The following ATOSA variants were observed in gnomAD, a reference collection of about 807,000 sequenced individuals.
ATOSA encodes the protein atos homolog A, also known as atos homolog protein A.
At chr15:52,678,384 A>C in the ATOSA span, 1 of 315,718 alleles carries the variant, frequency 3.2e-6, no homozygotes, top group East Asian at 5.6e-5. Context: ...TATAACCTGG[A>C]GGTACAGGCA....
the ATOSA span, among the ~76,000 whole-genome samples, chr15:52,702,954 C>T: frequency 6.6e-6 from 1 of 152,088 alleles, no homozygotes; most frequent in African/African-American, 2.4e-5. Context: ...GACTTGTACA[C>T]AAATTTTCAT....
At chr15:52,593,354 C>A in the ATOSA span, 1 of 459,372 alleles carries the variant, frequency 2.2e-6, no homozygotes. Context: ...TTTTTCAAGA[C>A]AAAGAGAAAT....
chr15:52,694,486 T>C, the ATOSA span, among the ~76,000 whole-genome samples: 2 of 152,068 alleles, frequency 1.3e-5, no homozygotes, highest in African/African-American at 4.8e-5. Flanking sequence ...TTTTAATATA[T>C]GATTGCTCAG....
chr15:52,651,062 C>A, the ATOSA span, among the ~76,000 whole-genome samples: 1 of 152,274 alleles, frequency 6.6e-6, no homozygotes, highest in Middle Eastern at 3.4e-3. Context: ...TCAATTATCA[C>A]ATATATTATA....
chr15:52,671,889 A>G, the ATOSA span, among the ~76,000 whole-genome samples: 1 of 151,730 alleles, frequency 6.6e-6, no homozygotes. Context: ...ATGGTAAACA[A>G]GGGGAAGAGA....
chr15:52,593,992 C>G, the ATOSA span, among the ~76,000 whole-genome samples: 1 of 152,192 alleles, frequency 6.6e-6, no homozygotes, highest in South Asian at 2.1e-4. Flanking sequence ...TCTCACTATT[C>G]CAACTCACAC....
At chr15:52,649,172 GA>G in the ATOSA span, among the ~76,000 whole-genome samples, 1 of 152,090 alleles carries the variant, frequency 6.6e-6, no homozygotes, top group East Asian at 1.9e-4. Context: ...GAAAATGCCT[GA>G]CAAAAAGTTG....
chr15:52,613,020 T>C, the ATOSA span, among the ~76,000 whole-genome samples: 2 of 150,924 alleles, frequency 1.3e-5, no homozygotes, highest in Non-Finnish European at 3.0e-5. Flanking sequence ...CATAACAACA[T>C]CAATTTACCA....
At chr15:52,646,411 T>C in the ATOSA span, among the ~76,000 whole-genome samples, 1 of 152,298 alleles carries the variant, frequency 6.6e-6, no homozygotes, top group East Asian at 1.9e-4. Flanking sequence ...GAGGTGTCAT[T>C]AGGTCTTCTC....
the ATOSA span, chr15:52,678,029 T>C: frequency 6.2e-7 from 1 of 1,614,032 alleles, no homozygotes; most frequent in Non-Finnish European, 8.5e-7. Context: ...CATTTTCACA[T>C]CCAATTTTCG....
chr15:52,700,554 A>G, the ATOSA span, among the ~76,000 whole-genome samples: 1 of 152,194 alleles, frequency 6.6e-6, no homozygotes, highest in Non-Finnish European at 1.5e-5. Flanking sequence ...AAAAAGCCTT[A>G]TTGTGACGAG....
chr15:52,597,827 A>T, the ATOSA span, among the ~76,000 whole-genome samples: 1 of 152,198 alleles, frequency 6.6e-6, no homozygotes, highest in Non-Finnish European at 1.5e-5. Context: ...GGCCACATGT[A>T]AAATATACTA....
At chr15:52,614,110 T>A in the ATOSA span, among the ~76,000 whole-genome samples, 1 of 151,720 alleles carries the variant, frequency 6.6e-6, no homozygotes, top group Non-Finnish European at 1.5e-5. Context: ...TAATAATAAT[T>A]ACTATTATTT....
the ATOSA span, among the ~76,000 whole-genome samples, chr15:52,669,212 C>T: frequency 7.9e-5 from 12 of 152,078 alleles, no homozygotes; most frequent in Admixed American, 3.9e-4. Flanking sequence ...TGAGCCACCG[C>T]GCCTGGCCTG....
the ATOSA span, among the ~76,000 whole-genome samples, chr15:52,692,871 A>C: frequency 2.6e-5 from 4 of 151,344 alleles, no homozygotes; most frequent in South Asian, 8.4e-4. Flanking sequence ...GGCTGGCCTC[A>C]AACTCCTGGC....
At chr15:52,662,998 T>C in the ATOSA span, among the ~76,000 whole-genome samples, 1 of 152,154 alleles carries the variant, frequency 6.6e-6, no homozygotes, top group African/African-American at 2.4e-5. Context: ...AAACTGATTT[T>C]AAGACTGTCT....
At chr15:52,674,039 A>G in the ATOSA span, among the ~76,000 whole-genome samples, 1 of 152,230 alleles carries the variant, frequency 6.6e-6, no homozygotes, top group Admixed American at 6.5e-5. Flanking sequence ...ACAGCCTACA[A>G]TGTTTTTAAA....
the ATOSA span, chr15:52,600,011 G>A: frequency 2.0e-6 from 1 of 491,544 alleles, no homozygotes; most frequent in Admixed American, 3.9e-5. Flanking sequence ...TTCAAGGCTT[G>A]AAAAAAGACA....
At chr15:52,666,930 C>A in the ATOSA span, among the ~76,000 whole-genome samples, 1 of 151,476 alleles carries the variant, frequency 6.6e-6, no homozygotes, top group Non-Finnish European at 1.5e-5. Context: ...GAGAAGGCTT[C>A]TTTGATGGCA....
Sources: allele counts gnomAD v4.1 joint callset (sites outside exome capture counted in the v4.1 genomes callset), GRCh38; gene constraint gnomAD v4.1.1; transcripts MANE v1.5; gene names NCBI Gene and HGNC (gene_info 2026-07-23, HGNC 2026-07-21).